The following COL17A1 variants were observed in gnomAD, a reference collection of about 807,000 sequenced individuals.
COL17A1 encodes the protein collagen type XVII alpha 1 chain.
Under a neutral mutation model 218.4 loss-of-function variants are expected in COL17A1, and 181 were observed. The observed-to-expected ratio is 0.83, with a 90% CI of 0.73 to 0.94. The LOEUF is 0.94. Among genes scored for constraint, COL17A1 ranks in the 40% least tolerant of loss-of-function variants. The probability of loss-of-function intolerance (pLI) is 0.00; values close to 1 mark genes in which losing one functional copy is unlikely to be tolerated. For missense variants in COL17A1, 1,924 were observed against 1,945.9 expected (o/e 0.99, Z 0.21); for synonymous variants, 721 against 731.0 (o/e 0.99, Z 0.22).
In COL17A1 at chr10:104,042,404, G is replaced by T. The variant is rs780146459; in HGVS notation, c.2551+16C>A. 3.1e-5 allele frequency: 50 copies of T among 1,613,960 alleles called. No homozygotes were observed. In the South Asian group the frequency reaches 5.3e-4, roughly 17 times the overall value. On this transcript the variant is annotated intron_variant, in intron 36 of 55. Coordinates refer to ENST00000648076, the MANE Select transcript of COL17A1 (RefSeq NM_000494.4). The stretch of plus-strand genomic sequence containing the variant: ...ACTGGGCCCATCGCTTTGCATTCTT[G>T]CAGGGTGTGACATACCTTGATGTCC...
chr10:104,062,221 C>T, intron 12 of COL17A1, 37 bp downstream of exon 12: 10 of 1,614,210 alleles, frequency 6.2e-6, no homozygotes, highest in Non-Finnish European at 8.5e-6. Context: ...AGAGGTGTCA[C>T]TTTCCAGCGC....
At chr10:104,072,566 G>A (rs2086677695) in intron 7 of COL17A1, among the ~76,000 whole-genome samples, 1 of 152,142 alleles carries the variant, frequency 6.6e-6, no homozygotes, top group Non-Finnish European at 1.5e-5. Flanking sequence ...TCAACTATCA[G>A]CCTAAAGTTG....
chr10:104,057,270 A>G, intron 16 of COL17A1, 98 bp from the exon 17 acceptor site: 1 of 1,592,212 alleles, frequency 6.3e-7, no homozygotes, highest in Non-Finnish European at 8.6e-7. Flanking sequence ...CTGAGTGACT[A>G]CGACTGGGGG....
rs1490336426 is a variant in COL17A1 at position 104,073,213 on chromosome 10, G to A, written c.412C>T (p.Arg138Ter). The A allele has an allele frequency of 5.6e-6, 9 of 1,613,632 alleles. No individual in the cohort carries two copies. Among genetic ancestry groups the A allele is most frequent in the African/African-American group, 5.3e-5 (4 of 74,864 alleles). The change falls in exon 7 of 56, where the codon CGA becomes TGA. Residue 138 changes from arginine to a stop codon, truncating the protein, a stop_gained. Coordinates refer to ENST00000648076, the MANE Select transcript of COL17A1 (RefSeq NM_000494.4). LOFTEE classifies it high-confidence loss of function. ...SSSTRGRSQT[R>*]ESEIRVRLQS... ...TGAACCCAGTGACAGCACTCACCTC[G>A]TGTTTGACTCCGTCCTCTGGTTGAA... is the stretch of plus-strand genomic sequence containing the variant.
At chr10:104,035,800 A>AGTGTG (rs2086275514) in intron 48 of COL17A1, among the ~76,000 whole-genome samples, 1 of 21,842 alleles carries the variant, frequency 4.6e-5, no homozygotes, top group African/African-American at 1.3e-4. Flanking sequence ...GTGTATGAGT[A>AGTGTG]TGTGTGTATG....
chr10:104,067,264 T>C (rs1471329056), intron 9 of COL17A1, among the ~76,000 whole-genome samples: 1 of 146,344 alleles, frequency 6.8e-6, no homozygotes, highest in Non-Finnish European at 1.5e-5. Flanking sequence ...ACACAGAATG[T>C]CTCAAAAGCA....
At chr10:104,040,127 T>G in intron 40 of COL17A1, 128 bp from the exon 41 acceptor site, 1 of 1,154,194 alleles carries the variant, frequency 8.7e-7, no homozygotes. Flanking sequence ...TCCTTGTGCC[T>G]CTCCTCTCAC....
At chr10:104,032,502 C>T (rs1167628772) in intron 55 of COL17A1, among the ~76,000 whole-genome samples, 172 bp downstream of exon 55, 1 of 152,248 alleles carries the variant, frequency 6.6e-6, no homozygotes, top group Non-Finnish European at 1.5e-5. Context: ...TTTTCTTCCT[C>T]ACTGTGAATG....
At chr10:104,052,931 G>C (rs1268905464) in intron 23 of COL17A1, 100 bp downstream of exon 23, 18 of 1,399,578 alleles carry the variant, frequency 1.3e-5, no homozygotes, top group Non-Finnish European at 1.8e-5. Flanking sequence ...AATGAAGGAA[G>C]GGGGGAGAAA....
intron 52 of COL17A1, 107 bp from the exon 53 acceptor site, chr10:104,033,482 G>A (rs1046896100): frequency 1.5e-6 from 2 of 1,356,818 alleles, no homozygotes; most frequent in African/African-American, 2.9e-5. Context: ...AGTTGAACTA[G>A]ATCAAGCCGC....
At chr10:104,032,626 C>T (rs1844700667) in intron 55 of COL17A1, 48 bp downstream of exon 55, 2 of 1,566,300 alleles carry the variant, frequency 1.3e-6, no homozygotes, top group Admixed American at 1.7e-5. Flanking sequence ...TGAGCGTCAG[C>T]CTTGCAGCCC....
chr10:104,052,544 C>T (rs2086479845), intron 23 of COL17A1, among the ~76,000 whole-genome samples: 1 of 152,180 alleles, frequency 6.6e-6, no homozygotes, highest in Non-Finnish European at 1.5e-5. Context: ...GTCTTGGTTT[C>T]CCCTGACAAA....
chr10:104,054,846 C>A, intron 20 of COL17A1, 135 bp downstream of exon 20: 1 of 1,403,118 alleles, frequency 7.1e-7, no homozygotes, highest in Non-Finnish European at 9.8e-7. Context: ...GGAAACCTCT[C>A]CTCCTCACAC....
At chr10:104,046,617 T>C in intron 32 of COL17A1, 130 bp downstream of exon 32, 1 of 852,250 alleles carries the variant, frequency 1.2e-6, no homozygotes, top group Non-Finnish European at 2.0e-6. Flanking sequence ...CGACTCATAG[T>C]GAAAGGGAGT....
intron 2 of COL17A1, among the ~76,000 whole-genome samples, chr10:104,080,170 A>G (rs1046821512): frequency 1.3e-5 from 2 of 152,168 alleles, no homozygotes; most frequent in Admixed American, 1.3e-4. Flanking sequence ...AGTTGGTAGG[A>G]GGAGAGTTTA....
In COL17A1 at chr10:104,036,473, C is replaced by T. The variant is rs368621449; in HGVS notation, c.3418+19G>A. 5 of 1,613,598 alleles carry T rather than the reference C, an allele frequency of 3.1e-6. No homozygotes were observed. The highest frequency in any genetic ancestry group is 4.2e-6 in the Non-Finnish European group (5 of 1,179,888). ...GTCATCCCAGGCCCTTCCCAACCAC[C>T]CCTCCTGCAGACACTTACTCGACAT... On this transcript the variant is annotated intron_variant, in intron 48 of 55. Transcript: ENST00000648076.
chr10:104,062,302 G>C lies in COL17A1; in HGVS notation c.866C>G (p.Pro289Arg). The C allele has an allele frequency of 6.2e-7, 1 of 1,614,208 alleles. No individual in the cohort carries two copies. Among genetic ancestry groups the C allele is most frequent in the Non-Finnish European group, 8.5e-7 (1 of 1,180,036 alleles). Residue 289 changes from proline (P) to arginine (R), a missense_variant, in exon 12 of 56, where the codon CCC becomes CGC. By Grantham distance (103) the Pro-to-Arg change is moderately radical. Transcript: ENST00000648076. ...GCCATGGGACAGGGTGGTCAAGCTG[G>C]GGGCCAGATTGTTCTGCATGCCAAA... ...SVFGMQNNLA[P>R]SLTTLSHGTT...
At chr10:104,059,598 GGCTGAA>G in intron 15 of COL17A1, 34 bp downstream of exon 15, 1 of 1,572,938 alleles carries the variant, frequency 6.4e-7, no homozygotes, top group Non-Finnish European at 8.8e-7. Flanking sequence ...AATGTGGCCT[GGCTGAA>G]GTCAAGGTGG....
intron 5 of COL17A1, 92 bp downstream of exon 5, chr10:104,076,209 G>A: frequency 1.9e-6 from 3 of 1,598,700 alleles, no homozygotes; most frequent in African/African-American, 1.3e-5. Context: ...GTGAAGGGCA[G>A]ACACAGGTGG....
Sources: allele counts gnomAD v4.1 joint callset (sites outside exome capture counted in the v4.1 genomes callset), GRCh38; gene constraint gnomAD v4.1.1; transcripts MANE v1.5; gene names NCBI Gene and HGNC (gene_info 2026-07-23, HGNC 2026-07-21).